Variants in ITPR3 observed in about 807,000 individuals in gnomAD.
ITPR3 encodes inositol 1,4,5-trisphosphate receptor type 3.
Under a neutral mutation model 293.2 loss-of-function variants are expected in ITPR3, and 173 were observed. The ratio of observed to expected loss-of-function variants is 0.59; its 90% CI spans 0.52 to 0.67. ITPR3 has a LOEUF of 0.67. ITPR3 is among the 30% of genes least tolerant of loss of function. The pLI, the probability that ITPR3 is intolerant of heterozygous loss-of-function variation, is 0.00. For synonymous variants in ITPR3, 1,295 were observed against 1,444.4 expected (o/e 0.90, Z 2.35); for missense variants, 2,796 against 3,592.1 (o/e 0.78, Z 5.66).
chr6:33,695,865 G>C lies in ITPR3; in HGVS notation c.*85G>C. The C allele has an allele frequency of 2.1e-6, 3 of 1,404,206 alleles. No homozygotes were observed. The highest frequency in any genetic ancestry group is 3.0e-6 in the Non-Finnish European group (3 of 998,266). The allele number at this position is 1,404,206 out of a possible 1,614,324, so 87.0% of individuals were successfully genotyped here. ...AACACTGCCCCCTCCCTCGGGTTGG[G>C]TGGCCCAGCCAGCTGGCCAGCCTCC... On this transcript the variant is annotated 3_prime_UTR_variant, in exon 58 of 58. Transcript: ENST00000605930.
Position 33,663,775 on chromosome 6 carries a change from A to G in ITPR3, c.1043A>G (p.Glu348Gly). 6.2e-7 allele frequency: 1 copy of G among 1,614,110 alleles called. No homozygotes were observed. ...QGRTGRRNAGEKIKYCLVAVP... is the reference protein window; with the variant it reads ...QGRTGRRNAGGKIKYCLVAVP... Reference sequence around the variant, plus strand: ...CGCACAGGCCGCAGGAATGCTGGGGAGAAGATCAAGTACTGCCTGGTGGCT... The same window carrying G: ...CGCACAGGCCGCAGGAATGCTGGGGGGAAGATCAAGTACTGCCTGGTGGCT... Residue 348 changes from glutamate to glycine, a missense_variant, in exon 11 of 58, where the codon GAG becomes GGG. By Grantham distance (98) the Glu-to-Gly change is moderately conservative. Transcript: ENST00000605930.
rs1402864510 is a variant in ITPR3 at position 33,624,307 on chromosome 6, A to T, written c.89+2616A>T. Reference sequence around the variant, plus strand: ...TATTTAGCAGGTCTACAGGCACTGTACTGGGTGCTGGGGACTTGGTGGTGA... The same window carrying T: ...TATTTAGCAGGTCTACAGGCACTGTTCTGGGTGCTGGGGACTTGGTGGTGA... On this transcript the variant is annotated intron_variant, in intron 1 of 57. Transcript: ENST00000605930. The surrounding 1 kb of genome is among the most constrained non-coding windows in gnomAD (Gnocchi z 4.7). Among the ~76,000 whole-genome samples, 1 of 152,220 alleles carries T rather than the reference A, an allele frequency of 6.6e-6. No individual in the cohort carries two copies. Among genetic ancestry groups the T allele is most frequent in the African/African-American group, 2.4e-5 (1 of 41,456 alleles).
chr6:33,663,867 T>C lies in ITPR3; in HGVS notation c.1135T>C (p.Ser379Pro), dbSNP rs1764541166. The C allele has an allele frequency of 6.2e-7, 1 of 1,614,022 alleles. No individual in the cohort carries two copies. The highest frequency in any genetic ancestry group is 8.5e-7 in the Non-Finnish European group (1 of 1,180,008). The change falls in exon 11 of 58, where the codon TCT becomes CCT. Residue 379 changes from serine (S) to proline (P), a missense_variant. By Grantham distance (74) the Ser-to-Pro change is moderately conservative. Around this residue, in one of 8 missense-constraint regions of ITPR3, gnomAD observed 955 missense variants for 1,180.8 expected, o/e 0.81. Coordinates refer to ENST00000605930, the MANE Select transcript of ITPR3 (RefSeq NM_002224.4). ...CCCCACCACCTTGCAGAAAACCGAC[T>C]CTTTCGTGCCCCGGTGGGTATGCGC... ...LDPTTLQKTD[S>P]FVPRNSYVRL...
intron 9 of ITPR3, 32 bp from the exon 10 acceptor site, chr6:33,663,468 G>C: frequency 6.3e-7 from 1 of 1,589,474 alleles, no homozygotes; most frequent in Non-Finnish European, 8.6e-7. Context: ...TTGGTGTCCA[G>C]TAGCTCCCCC....
chr6:33,653,095 G>C (rs1764229457), intron 2 of ITPR3, among the ~76,000 whole-genome samples: 1 of 151,860 alleles, frequency 6.6e-6, no homozygotes, highest in South Asian at 2.1e-4. Context: ...TTTTAGTAGA[G>C]ACAATGTCTC....
At chr6:33,688,574 C>T in intron 48 of ITPR3, 82 bp from the exon 49 acceptor site, 10 of 1,580,532 alleles carry the variant, frequency 6.3e-6, no homozygotes, top group Non-Finnish European at 8.6e-6. Context: ...GTGTGGCTTC[C>T]TCCTGAGCGG....
rs1425492519 is a variant in ITPR3 at position 33,679,108 on chromosome 6, C to A, written c.3972+269C>A. Among the ~76,000 whole-genome samples the A allele has an allele frequency of 6.6e-6, 1 of 152,234 alleles. No individual in the cohort carries two copies. On this transcript the variant is annotated intron_variant, in intron 30 of 57. Coordinates refer to ENST00000605930, the MANE Select transcript of ITPR3 (RefSeq NM_002224.4). The surrounding 1 kb of genome is among the most constrained non-coding windows in gnomAD (Gnocchi z 4.2). ...ACAGGCCAGAAAGAAATCAAGCATG[C>A]ATTCCTTGTCACTTGTCGTCGTTTA... is the stretch of plus-strand genomic sequence containing the variant.
chr6:33,668,590 G>A lies in ITPR3; in HGVS notation c.1962G>A (p.Lys654=). 1.2e-6 allele frequency: 2 copies of A among 1,614,220 alleles called. No homozygotes were observed. Among genetic ancestry groups the A allele is most frequent in the Non-Finnish European group, 1.7e-6 (2 of 1,180,032 alleles). ...AIPVTQELIC[K]CVLDPKNSDI... is the part of the protein sequence containing the mutation. ...CCGTCACCCAAGAGCTCATCTGCAA[G>A]TGTGTGCTGGACCCCAAGAACAGTG... is the stretch of plus-strand genomic sequence containing the variant. Residue 654 remains lysine (K), a synonymous_variant, in exon 17 of 58, where the codon AAG becomes AAA. Transcript: ENST00000605930.
chr6:33,695,252 G>C (rs1301897440), intron 57 of ITPR3, 167 bp downstream of exon 57: 1 of 732,698 alleles, frequency 1.4e-6, no homozygotes, highest in Non-Finnish European at 2.2e-6. Flanking sequence ...AAGTCAGACT[G>C]GGGTTGACAA....
rs552602549 is a variant in ITPR3 at position 33,679,993 on chromosome 6, C to T, written c.4084C>T (p.Leu1362Phe). The T allele has an allele frequency of 4.3e-6, 7 of 1,613,940 alleles. No individual in the cohort carries two copies. Among genetic ancestry groups the T allele is most frequent in the East Asian group, 2.2e-5 (1 of 44,880 alleles). ...ARDGVEDHSPLMYHISLVDLL... is the reference protein window; with the variant it reads ...ARDGVEDHSPFMYHISLVDLL... ...CGACGGCGTGGAGGACCACAGCCCC[C>T]TCATGTACCACATTTCCCTGGTGGA... Residue 1362 changes from leucine to phenylalanine, a missense_variant, in exon 31 of 58, where the codon CTC becomes TTC. Around this residue, in one of 8 missense-constraint regions of ITPR3, gnomAD observed 344 missense variants for 460.3 expected, o/e 0.75. Coordinates refer to ENST00000605930, the MANE Select transcript of ITPR3 (RefSeq NM_002224.4). The surrounding 1 kb of genome is among the most constrained non-coding windows in gnomAD (Gnocchi z 4.2).
chr6:33,680,767 TTG>T, intron 33 of ITPR3, 87 bp downstream of exon 33: 1 of 1,476,330 alleles, frequency 6.8e-7, no homozygotes, highest in Non-Finnish European at 9.2e-7. Flanking sequence ...ATATTTATAT[TTG>T]CTTATAGTAC....
Position 33,655,972 on chromosome 6 carries a change from G to A in ITPR3, c.282+85G>A. Reference sequence around the variant, plus strand: ...GCAGCGGTGCTGCTTGTCGGAGCCAGTAGGGGCTCTGTGGCTGAGCTGAGT... The same window carrying A: ...GCAGCGGTGCTGCTTGTCGGAGCCAATAGGGGCTCTGTGGCTGAGCTGAGT... On this transcript the variant is annotated intron_variant, in intron 3 of 57. Transcript: ENST00000605930. The surrounding 1 kb of genome is among the most constrained non-coding windows in gnomAD (Gnocchi z 4.9). 6.4e-7 allele frequency: 1 copy of A among 1,557,454 alleles called. No individual in the cohort carries two copies. Among genetic ancestry groups the A allele is most frequent in the Non-Finnish European group, 8.8e-7 (1 of 1,138,464 alleles).
At chr6:33,650,424 C>T (rs1410950786) in intron 2 of ITPR3, among the ~76,000 whole-genome samples, 1 of 152,156 alleles carries the variant, frequency 6.6e-6, no homozygotes, top group Non-Finnish European at 1.5e-5. Context: ...AAGAAAGATA[C>T]GGAGGAGTCA....
In ITPR3 at chr6:33,658,992, C is replaced by T. The variant is rs560853496; in HGVS notation, c.529-29C>T. 4 of 1,612,426 alleles carry T rather than the reference C, an allele frequency of 2.5e-6. No individual in the cohort carries two copies. Among genetic ancestry groups the T allele is most frequent in the East Asian group, 2.2e-5 (1 of 44,864 alleles). ...GGTGACAAGAGGGCCCTGCCCTTCC[C>T]ACCTAACCTGTCCCACCTGTCTGCT... On this transcript the variant is annotated intron_variant, in intron 5 of 57. Coordinates refer to ENST00000605930, the MANE Select transcript of ITPR3 (RefSeq NM_002224.4). The surrounding 1 kb of genome is among the most constrained non-coding windows in gnomAD (Gnocchi z 6.1).
intron 7 of ITPR3, among the ~76,000 whole-genome samples, chr6:33,662,015 A>AAAAAAAAAAAAAAAAAAC (rs1764484666): frequency 1.4e-5 from 2 of 147,950 alleles, no homozygotes; most frequent in East Asian, 1.9e-4. Context: ...AAAAAAAAAA[A>AAAAAAAAAAAAAAAAAAC]AAGACAGGAT....
Position 33,677,591 on chromosome 6 carries a change from A to G in ITPR3, c.3610A>G (p.Lys1204Glu), listed in dbSNP as rs1445681996. Residue 1204 changes from lysine (K) to glutamate (E), a missense_variant, in exon 28 of 58, where the codon AAG becomes GAG. This residue lies in a region of ITPR3 where 344 missense variants were observed against 460.3 expected (regional missense o/e 0.75). Coordinates refer to ENST00000605930, the MANE Select transcript of ITPR3 (RefSeq NM_002224.4). ...GCTGCTGAAGAACATGGATGCCCAC[A>G]AGGTCATGCTGGACCTGCTGCAGAT... is the stretch of plus-strand genomic sequence containing the variant. ...QRLLKNMDAH[K>E]VMLDLLQIPY... 6.2e-7 allele frequency: 1 copy of G among 1,613,990 alleles called. No individual in the cohort carries two copies. Among genetic ancestry groups the G allele is most frequent in the Admixed American group, 1.7e-5 (1 of 60,020 alleles).
intron 1 of ITPR3, among the ~76,000 whole-genome samples, chr6:33,631,162 C>G (rs1763669758): frequency 6.6e-6 from 1 of 152,210 alleles, no homozygotes; most frequent in Non-Finnish European, 1.5e-5. Context: ...GTTGTAGGGT[C>G]TAGCCCTACG....
chr6:33,635,377 T>C (rs1288253259), intron 1 of ITPR3, among the ~76,000 whole-genome samples: 2 of 152,206 alleles, frequency 1.3e-5, no homozygotes, highest in Non-Finnish European at 2.9e-5. Context: ...CTTTTGCTTC[T>C]TGTGTACTTT....
intron 32 of ITPR3, 38 bp from the exon 33 acceptor site, chr6:33,680,517 T>G (rs1272935463): frequency 6.2e-7 from 1 of 1,610,804 alleles, no homozygotes; most frequent in Non-Finnish European, 8.5e-7. Context: ...AGGGGCCCCA[T>G]GTGAGGAGCC....
Sources: allele counts gnomAD v4.1 joint callset (sites outside exome capture counted in the v4.1 genomes callset), GRCh38; gene constraint gnomAD v4.1.1; regional missense constraint gnomAD v4.1.1; non-coding constraint Gnocchi (gnomAD v3.1); transcripts MANE v1.5; gene names NCBI Gene and HGNC (gene_info 2026-07-23, HGNC 2026-07-21).